The following DOK6 variants were observed in gnomAD, a reference collection of about 807,000 sequenced individuals.
DOK6 encodes the protein downstream of tyrosine kinase 6.
DOK6 carries 22 observed loss-of-function variants against 44.0 expected under a neutral mutation model. The ratio of observed to expected loss-of-function variants is 0.50; its 90% CI spans 0.36 to 0.71. The LOEUF is 0.71. Ranked by LOEUF, DOK6 falls within the 30% of genes least tolerant of loss-of-function variation. The pLI, the probability that DOK6 is intolerant of heterozygous loss-of-function variation, is 0.00. For missense variants in DOK6, 340 were observed against 416.4 expected, an observed-to-expected ratio of 0.82 and a Z score of 1.60; for synonymous variants, 166 against 145.5, an observed-to-expected ratio of 1.14 and a Z score of -1.01.
At chr18:69,431,560 G>A (rs1181942393) in intron 1 of DOK6, among the ~76,000 whole-genome samples, 1 of 152,130 alleles carries the variant, frequency 6.6e-6, no homozygotes, top group Non-Finnish European at 1.5e-5. Context: ...TGGGAGAAAG[G>A]GTGACTCCTG....
intron 1 of DOK6, among the ~76,000 whole-genome samples, chr18:69,407,461 G>GT (rs1297825236): frequency 6.6e-6 from 1 of 152,146 alleles, no homozygotes; most frequent in Non-Finnish European, 1.5e-5. Context: ...CCTCACTTTA[G>GT]TCACAGTATT....
chr18:69,450,705 G>A (rs1433922336), intron 1 of DOK6, among the ~76,000 whole-genome samples: 39 of 151,482 alleles, frequency 2.6e-4, no homozygotes, highest in African/African-American at 8.2e-4. Context: ...GACTAACAGC[G>A]GATCTCTTGG....
At position 69,841,459 on chromosome 18, in the gene DOK6, T is replaced by A; in HGVS notation, c.*76T>A. 2 of 1,576,982 alleles carry A rather than the reference T, an allele frequency of 1.3e-6. No homozygotes were observed. The highest frequency in any genetic ancestry group is 1.7e-6 in the Non-Finnish European group (2 of 1,158,748). On this transcript the variant is annotated 3_prime_UTR_variant, in exon 8 of 8. Transcript: ENST00000382713. ...TGTGGGGTCATTACCCTCTGCCTCC[T>A]GGAAGACCAATTGCAGTACAAATTG...
chr18:69,623,244 A>G (rs1284215666), intron 3 of DOK6, among the ~76,000 whole-genome samples: 1 of 152,144 alleles, frequency 6.6e-6, no homozygotes, highest in Admixed American at 6.6e-5. Context: ...AAGCTTGTGT[A>G]GCTCACAGAA....
chr18:69,572,473 G>A (rs150555162), intron 2 of DOK6, among the ~76,000 whole-genome samples: 1,624 of 152,148 alleles, frequency 0.011, 28 homozygotes, highest in African/African-American at 0.037. Flanking sequence ...TAGTCAATTC[G>A]ATAAATAGTT....
chr18:69,804,050 G>A (rs1980982537), intron 7 of DOK6, among the ~76,000 whole-genome samples: 1 of 152,070 alleles, frequency 6.6e-6, no homozygotes, highest in Non-Finnish European at 1.5e-5. Flanking sequence ...ATTCAAACTA[G>A]AAATGTCAGA....
At chr18:69,414,073 A>G (rs1415693143) in intron 1 of DOK6, among the ~76,000 whole-genome samples, 2 of 152,084 alleles carry the variant, frequency 1.3e-5, no homozygotes, top group African/African-American at 4.8e-5. Flanking sequence ...AGGCTAGGAA[A>G]AAGTGACAAC....
intron 1 of DOK6, among the ~76,000 whole-genome samples, chr18:69,429,620 CATATATATATATAT>C (rs143819043): frequency 0.11 from 11,245 of 105,616 alleles, 749 homozygotes; most frequent in South Asian, 0.23. Context: ...TTGAGGGATA[CATATATATATATAT>C]ATATATATAT....
chr18:69,514,996 G>T (rs1981480422), intron 1 of DOK6, among the ~76,000 whole-genome samples: 2 of 152,058 alleles, frequency 1.3e-5, no homozygotes, highest in African/African-American at 4.8e-5. Context: ...ATTACTGATG[G>T]TGAATCTTCT....
intron 3 of DOK6, among the ~76,000 whole-genome samples, chr18:69,653,718 A>T (rs1985290160): frequency 1.3e-5 from 2 of 152,230 alleles, no homozygotes; most frequent in African/African-American, 4.8e-5. Flanking sequence ...ATATATCTCT[A>T]ACCACATGCA....
chr18:69,533,964 G>T (rs1360882613), intron 1 of DOK6, among the ~76,000 whole-genome samples: 1 of 152,142 alleles, frequency 6.6e-6, no homozygotes, highest in Non-Finnish European at 1.5e-5. Context: ...ATGTAGATAT[G>T]CATGCCTACA....
At chr18:69,599,153 T>A (rs140370289) in intron 2 of DOK6, among the ~76,000 whole-genome samples, 9 of 152,258 alleles carry the variant, frequency 5.9e-5, no homozygotes, top group African/African-American at 1.9e-4. Context: ...CTACATAATG[T>A]GTAGGTCATT....
rs8088902 is a variant in DOK6, at chr18:69,538,229, A to T, written c.67-26258A>T. 1.8e-4 allele frequency among the ~76,000 whole-genome samples: 27 copies of T among 152,226 alleles called. 1 individual carries two copies. The highest frequency in any genetic ancestry group is 1.0e-3 in the Admixed American group (16 of 15,288). The stretch of plus-strand genomic sequence containing the variant: ...TATGAAAAGAGTGAGAAGAAAAATA[A>T]GTCTTAGAGCAAGCCCTGTAGTATT... On this transcript the variant is annotated intron_variant, in intron 1 of 7. Transcript: ENST00000382713.
At chr18:69,489,516 G>C (rs930404673) in intron 1 of DOK6, among the ~76,000 whole-genome samples, 8 of 152,060 alleles carry the variant, frequency 5.3e-5, no homozygotes, top group African/African-American at 1.7e-4. Context: ...ACAAATCTAA[G>C]CTTTTTTGAG....
chr18:69,568,476 T>G (rs761798067), intron 2 of DOK6, among the ~76,000 whole-genome samples: 3 of 152,204 alleles, frequency 2.0e-5, no homozygotes, highest in Non-Finnish European at 4.4e-5. Context: ...AGATCTGGAA[T>G]CAAGGGAATG....
At chr18:69,795,805 T>C (rs2145101405) in intron 7 of DOK6, among the ~76,000 whole-genome samples, 1 of 152,342 alleles carries the variant, frequency 6.6e-6, no homozygotes, top group African/African-American at 2.4e-5. Flanking sequence ...AGAAGTTTTA[T>C]CTGCTTTTAA....
intron 7 of DOK6, among the ~76,000 whole-genome samples, chr18:69,806,609 T>G (rs1278551823): frequency 6.6e-6 from 1 of 151,988 alleles, no homozygotes; most frequent in African/African-American, 2.4e-5. Flanking sequence ...TAAATGCATT[T>G]TGATTTAATT....
At chr18:69,690,918 C>T (rs2144696026) in intron 4 of DOK6, among the ~76,000 whole-genome samples, 1 of 152,272 alleles carries the variant, frequency 6.6e-6, no homozygotes, top group South Asian at 2.1e-4. Context: ...TGGTGGCTCA[C>T]ACCTGTAATC....
At chr18:69,535,920 G>C (rs911703701) in intron 1 of DOK6, among the ~76,000 whole-genome samples, 3 of 152,054 alleles carry the variant, frequency 2.0e-5, no homozygotes, top group African/African-American at 4.8e-5. Flanking sequence ...AATGGTCTTT[G>C]TAATTATAAC....
Sources: allele counts gnomAD v4.1 joint callset (sites outside exome capture counted in the v4.1 genomes callset), GRCh38; gene constraint gnomAD v4.1.1; transcripts MANE v1.5; gene names NCBI Gene and HGNC (gene_info 2026-07-23, HGNC 2026-07-21).